The following DNAH9 variants were observed in gnomAD, a reference collection of about 807,000 sequenced individuals.
DNAH9 encodes DNAH9 variant protein.
A neutral mutation model predicts 471.6 loss-of-function variants in DNAH9; 345 were observed. The observed-to-expected ratio is 0.73, with a 90% CI of 0.67 to 0.80. The LOEUF is 0.80. DNAH9 is among the 30% of genes least tolerant of loss of function. The pLI is 0.00. For synonymous variants in DNAH9, 2,093 were observed against 2,123.6 expected, an observed-to-expected ratio of 0.99 and a Z score of 0.40; for missense variants, 5,407 against 5,609.2, an observed-to-expected ratio of 0.96 and a Z score of 1.15.
chr17:11,940,576 T>C (rs1208287228), intron 66 of DNAH9, among the ~76,000 whole-genome samples: 1 of 152,228 alleles, frequency 6.6e-6, no homozygotes, highest in Non-Finnish European at 1.5e-5. Context: ...GACCCATTCG[T>C]GACAGAGTGA....
intron 53 of DNAH9, among the ~76,000 whole-genome samples, chr17:11,878,334 T>A (rs1407240457): frequency 6.6e-6 from 1 of 152,224 alleles, no homozygotes; most frequent in Admixed American, 6.5e-5. Context: ...ATGTAATATG[T>A]ATAGTCTTCT....
intron 24 of DNAH9, among the ~76,000 whole-genome samples, chr17:11,701,565 A>G (rs2074595677): frequency 6.6e-6 from 1 of 152,228 alleles, no homozygotes; most frequent in African/African-American, 2.4e-5. Flanking sequence ...TGAGCACAGG[A>G]CACACCAGTA....
chr17:11,723,830 G>A (rs1245517116), intron 27 of DNAH9, among the ~76,000 whole-genome samples: 1 of 151,900 alleles, frequency 6.6e-6, no homozygotes, highest in East Asian at 2.0e-4. Flanking sequence ...ACCACGCCTG[G>A]CTAATTGGTT....
At chr17:11,718,494 A>C (rs1224360345) in intron 26 of DNAH9, among the ~76,000 whole-genome samples, 1 of 152,244 alleles carries the variant, frequency 6.6e-6, no homozygotes, top group African/African-American at 2.4e-5. Flanking sequence ...GCTGAATCAT[A>C]TGGTATGCTT....
At chr17:11,656,511 C>T (rs928509308) in intron 14 of DNAH9, among the ~76,000 whole-genome samples, 1 of 152,134 alleles carries the variant, frequency 6.6e-6, no homozygotes, top group Non-Finnish European at 1.5e-5. Flanking sequence ...TCATGCGTAA[C>T]GTTTAATTGT....
chr17:11,615,598 A>C (rs371560115), intron 4 of DNAH9, among the ~76,000 whole-genome samples: 115 of 152,066 alleles, frequency 7.6e-4, no homozygotes, highest in African/African-American at 2.7e-3. Flanking sequence ...CCCAAAAGAA[A>C]AAAAAAAGGT....
intron 59 of DNAH9, among the ~76,000 whole-genome samples, chr17:11,899,298 TA>T (rs1005634918): frequency 8.5e-5 from 13 of 152,348 alleles, no homozygotes; most frequent in African/African-American, 3.1e-4. Context: ...CTGCTTTTAT[TA>T]ATATCCTTTG....
At chr17:11,730,628 G>T (rs566250049) in intron 28 of DNAH9, among the ~76,000 whole-genome samples, 2 of 152,254 alleles carry the variant, frequency 1.3e-5, no homozygotes, top group East Asian at 1.9e-4. Context: ...GTTAATAATA[G>T]CACCTCCTTG....
At position 11,694,351 on chromosome 17, in the gene DNAH9, G is replaced by C. The variant is rs1216828656; in HGVS notation, c.4776G>C (p.Glu1592Asp). 6.2e-7 allele frequency: 1 copy of C among 1,613,834 alleles called. No individual in the cohort carries two copies. Among genetic ancestry groups the C allele is most frequent in the African/African-American group, 1.3e-5 (1 of 74,886 alleles). Residue 1592 changes from glutamate (E) to aspartate (D), a missense_variant, in exon 22 of 69, where the codon GAG becomes GAC. Physicochemically the swap from Glu to Asp is conservative, Grantham distance 45 (BLOSUM62 2). Around this residue, in one of 3 missense-constraint regions of DNAH9, gnomAD observed 4,636 missense variants for 4,900.3 expected, o/e 0.95. Coordinates refer to ENST00000262442, the MANE Select transcript of DNAH9 (RefSeq NM_001372.4). ...RLCLCEKALAEYLDTKRLAFP... is the reference protein window; with the variant it reads ...RLCLCEKALADYLDTKRLAFP... Reference sequence around the variant, plus strand: ...GCCTGTGTGAGAAGGCCCTGGCAGAGTACCTCGACACCAAGAGGCTTGCCT... The same window carrying C: ...GCCTGTGTGAGAAGGCCCTGGCAGACTACCTCGACACCAAGAGGCTTGCCT...
chr17:11,909,353 C>T (rs886404242), intron 61 of DNAH9, among the ~76,000 whole-genome samples: 4 of 152,108 alleles, frequency 2.6e-5, no homozygotes, highest in African/African-American at 9.7e-5. Context: ...AGCCAACATC[C>T]CCACTGGCCT....
chr17:11,871,601 G>A lies in DNAH9; in HGVS notation c.10057G>A (p.Gly3353Arg). Residue 3353 changes from glycine to arginine, a missense_variant, in exon 52 of 69, where the codon GGA becomes AGA. Coordinates refer to ENST00000262442, the MANE Select transcript of DNAH9 (RefSeq NM_001372.4). The stretch of plus-strand genomic sequence containing the variant: ...TCTCTGGCTTTTGAAATGGTAGGTT[G>A]GAGGACTCGCTTCTGAAAACGTGAG... Reference protein sequence around the residue: ...VTISLANRLVGGLASENVRWA... With the variant: ...VTISLANRLVRGLASENVRWA... 1 of 1,613,540 alleles carries A rather than the reference G, an allele frequency of 6.2e-7. No homozygotes were observed. The highest frequency in any genetic ancestry group is 2.2e-5 in the East Asian group (1 of 44,870).
chr17:11,822,993 T>C lies in DNAH9; in HGVS notation c.9205T>C (p.Leu3069=), dbSNP rs1970362679. The change falls in exon 48 of 69, where the codon TTG becomes CTG. Residue 3069 remains leucine (L), a synonymous_variant. Coordinates refer to ENST00000262442, the MANE Select transcript of DNAH9 (RefSeq NM_001372.4). ...RKELKCKTER[L]ENGLLKLHST... is the part of the protein sequence containing the mutation. ...AGAGCTCAAGTGCAAGACAGAGCGG[T>C]TGGAGAACGGGCTGCTGAAGCTGCA... 5 of 1,613,990 alleles carry C rather than the reference T, an allele frequency of 3.1e-6. No homozygotes were observed. The South Asian group carries it at 3.3e-5, about 11-fold the overall frequency.
chr17:11,804,029 G>A (rs1969565905), intron 43 of DNAH9, among the ~76,000 whole-genome samples: 1 of 152,190 alleles, frequency 6.6e-6, no homozygotes, highest in African/African-American at 2.4e-5. Flanking sequence ...TATAAGGCAT[G>A]GGTTGTTCTG....
At chr17:11,643,186 C>T (rs942248578) in intron 10 of DNAH9, among the ~76,000 whole-genome samples, 5 of 152,170 alleles carry the variant, frequency 3.3e-5, no homozygotes, top group South Asian at 2.1e-4. Flanking sequence ...TGAGGGTAAC[C>T]GTACCTCGAG....
At chr17:11,793,420 TA>T in intron 41 of DNAH9, 82 bp from the exon 42 acceptor site, 1 of 1,314,528 alleles carries the variant, frequency 7.6e-7, no homozygotes, top group Non-Finnish European at 1.1e-6. Flanking sequence ...CCAGGTTAGA[TA>T]AAATGCTCCA....
intron 18 of DNAH9, 135 bp downstream of exon 18, chr17:11,680,114 G>A (rs1597470027): frequency 1.5e-6 from 1 of 681,636 alleles, no homozygotes; most frequent in East Asian, 2.7e-5. Flanking sequence ...ACTATAATGT[G>A]TAGCGTATTT....
Position 11,880,135 on chromosome 17 carries a change from T to G in DNAH9, c.10536T>G (p.Asn3512Lys). 6.2e-7 allele frequency: 1 copy of G among 1,613,972 alleles called. No homozygotes were observed. The highest frequency in any genetic ancestry group is 8.5e-7 in the Non-Finnish European group (1 of 1,179,948). The part of the protein sequence containing the change: ...LEAGAVVLIE[N>K]LEESIDPVLG... ...CTGGAGCTGTGGTGCTGATTGAAAA[T>G]CTAGAGGAGTCCATTGATCCTGTTC... The change falls in exon 54 of 69, where the codon AAT becomes AAG. Residue 3512 changes from asparagine (N) to lysine (K), a missense_variant. Around this residue, in one of 3 missense-constraint regions of DNAH9, gnomAD observed 4,636 missense variants for 4,900.3 expected, o/e 0.95. Coordinates refer to ENST00000262442, the MANE Select transcript of DNAH9 (RefSeq NM_001372.4).
intron 61 of DNAH9, 100 bp from the exon 62 acceptor site, chr17:11,923,714 G>A (rs1019479553): frequency 1.8e-5 from 27 of 1,465,002 alleles, no homozygotes; most frequent in Non-Finnish European, 2.4e-5. Context: ...GGGCATGCCC[G>A]TGTTTGAGGG....
At chr17:11,718,359 T>G (rs1384452910) in intron 26 of DNAH9, among the ~76,000 whole-genome samples, 5 of 152,250 alleles carry the variant, frequency 3.3e-5, no homozygotes, top group Admixed American at 3.3e-4. Flanking sequence ...GTTTCTAGCT[T>G]TTTGCTGTTA....
Sources: gnomAD v4.1 joint callset for allele counts (sites outside exome capture counted in the v4.1 genomes callset) on GRCh38, gnomAD v4.1.1 for gene constraint, gnomAD v4.1.1 regional missense constraint, MANE v1.5 for transcripts, NCBI Gene and HGNC (gene_info 2026-07-23, HGNC 2026-07-21) for gene names.